SGK1: variants seen among roughly 807,000 people sequenced by gnomAD.
SGK1 encodes serum/glucocorticoid regulated kinase 1.
In SGK1, 26 loss-of-function variants were observed where a neutral mutation model predicts 64.2. That is an observed-to-expected ratio of 0.40 (90% CI 0.30 to 0.56). SGK1 has a LOEUF of 0.56. Among genes scored for constraint, SGK1 ranks in the 20% least tolerant of loss-of-function variants. The pLI is 0.38. For missense variants in SGK1, 519 were observed against 645.6 expected, an observed-to-expected ratio of 0.80 and a Z score of 2.12; for synonymous variants, 265 against 239.7, an observed-to-expected ratio of 1.11 and a Z score of -0.98.
intron 2 of SGK1, among the ~76,000 whole-genome samples, chr6:134,255,318 A>G (rs1776665727): frequency 6.6e-6 from 1 of 152,100 alleles, no homozygotes; most frequent in Admixed American, 6.5e-5. Context: ...TACTGTACCT[A>G]TCTCAGTTAT....
intron 9 of SGK1, 129 bp from the exon 10 acceptor site, chr6:134,172,445 G>A (rs1161490652): frequency 7.3e-6 from 7 of 955,640 alleles, no homozygotes; most frequent in Non-Finnish European, 9.4e-6. Flanking sequence ...GAAGAAAAAA[G>A]GGAGCCCTTG....
rs558420139 is a variant in SGK1, at chr6:134,295,176, T to C, written c.69+22216A>G. 4.6e-5 allele frequency among the ~76,000 whole-genome samples: 7 copies of C among 152,246 alleles called. No individual in the cohort carries two copies. The South Asian group carries it at 1.0e-3, about 23-fold the overall frequency. On this transcript the variant is annotated intron_variant, in intron 1 of 13. Transcript: ENST00000367858. ...AAGAGCCCTTGGCTGGGTAGCTGGA[T>C]AGTGCAGTTGGGGAAGAGTAAGCTA...
chr6:134,312,691 C>T (rs965945276), intron 1 of SGK1, among the ~76,000 whole-genome samples: 1 of 152,172 alleles, frequency 6.6e-6, no homozygotes, highest in Middle Eastern at 3.2e-3. Flanking sequence ...GGGGCAAGTT[C>T]TTCAACTTCT....
intron 2 of SGK1, among the ~76,000 whole-genome samples, chr6:134,208,070 C>G (rs1253630118): frequency 6.6e-6 from 1 of 152,042 alleles, no homozygotes; most frequent in Non-Finnish European, 1.5e-5. Flanking sequence ...TGCCACCACG[C>G]CTGGCTAATT....
At chr6:134,305,332 C>G (rs1302231351) in intron 1 of SGK1, among the ~76,000 whole-genome samples, 1 of 140,598 alleles carries the variant, frequency 7.1e-6, no homozygotes, top group African/African-American at 2.7e-5. Context: ...TGCACTCCAG[C>G]CAGCCTGGGC....
At chr6:134,175,112 C>G (rs1775187376) in intron 3 of SGK1, among the ~76,000 whole-genome samples, 1 of 152,102 alleles carries the variant, frequency 6.6e-6, no homozygotes, top group African/African-American at 2.4e-5. Context: ...TCCATCGGCT[C>G]CTGGGGCAGG....
intron 1 of SGK1, among the ~76,000 whole-genome samples, chr6:134,294,773 C>G (rs925766480): frequency 1.3e-5 from 2 of 152,046 alleles, no homozygotes; most frequent in African/African-American, 4.8e-5. Context: ...CCTGATCCTC[C>G]CCCCTTGGCC....
chr6:134,297,832 C>T, intron 1 of SGK1: 1 of 709,320 alleles, frequency 1.4e-6, no homozygotes, highest in Non-Finnish European at 2.6e-6. Context: ...TGCAGGTCAT[C>T]CCCGTGCTTC....
chr6:134,214,082 TAA>T (rs67032410), intron 2 of SGK1, among the ~76,000 whole-genome samples: 118 of 106,084 alleles, frequency 1.1e-3, no homozygotes, highest in Middle Eastern at 5.2e-3. Flanking sequence ...TGTAAGTTAT[TAA>T]AAAAAATTTT....
chr6:134,175,393 C>A, intron 3 of SGK1: 1 of 1,238,890 alleles, frequency 8.1e-7, no homozygotes, highest in Admixed American at 4.1e-5. Flanking sequence ...CCCTGGGGCG[C>A]AGGCCTGCGC....
Position 134,242,714 on chromosome 6 carries a change from C to T in SGK1, c.285+19219G>A, listed in dbSNP as rs189170013. ...TCCTGGCCTCAAACAATCCTCCCTC[C>T]TTGGCTTCCCCAAGTGTTGGGATTA... is the stretch of plus-strand genomic sequence containing the variant. On this transcript the variant is annotated intron_variant, in intron 2 of 13. Coordinates refer to ENST00000367858, the MANE Select transcript of SGK1 (RefSeq NM_001143676.3). Among the ~76,000 whole-genome samples the T allele has an allele frequency of 9.2e-5, 14 of 152,108 alleles. No homozygotes were observed. The East Asian group carries it at 2.7e-3, about 29-fold the overall frequency.
chr6:134,310,840 G>A, intron 1 of SGK1, among the ~76,000 whole-genome samples: 1 of 152,166 alleles, frequency 6.6e-6, no homozygotes, highest in East Asian at 1.9e-4. Flanking sequence ...TGCCTGCCTT[G>A]GCCTCCCAAA....
chr6:134,193,242 G>A (rs1045550071), intron 3 of SGK1, among the ~76,000 whole-genome samples: 1 of 152,160 alleles, frequency 6.6e-6, no homozygotes, highest in Admixed American at 6.5e-5. Flanking sequence ...TTAGGAGTAC[G>A]TTATAAGTCC....
intron 1 of SGK1, among the ~76,000 whole-genome samples, chr6:134,289,228 C>T (rs1562275560): frequency 1.3e-5 from 2 of 152,154 alleles, no homozygotes; most frequent in Non-Finnish European, 2.9e-5. Context: ...CTGTGGAGTT[C>T]GGCTGCACAT....
At chr6:134,285,594 T>C (rs888300665) in intron 1 of SGK1, among the ~76,000 whole-genome samples, 16 of 152,124 alleles carry the variant, frequency 1.1e-4, no homozygotes, top group Non-Finnish European at 2.2e-4. Context: ...GGTATCTAAT[T>C]GTGGTTTTAA....
intron 1 of SGK1, chr6:134,297,596 AG>A: frequency 2.1e-6 from 1 of 478,326 alleles, no homozygotes. Context: ...TCCGCCTCCC[AG>A]GTTCAAGGGA....
chr6:134,271,108 G>C (rs2114759373), intron 1 of SGK1, among the ~76,000 whole-genome samples: 1 of 131,250 alleles, frequency 7.6e-6, no homozygotes, highest in Middle Eastern at 3.8e-3. Context: ...CCTAAGGTCA[G>C]GAGTTTGAGA....
intron 3 of SGK1, among the ~76,000 whole-genome samples, chr6:134,187,922 A>G (rs940348839): frequency 3.3e-5 from 5 of 152,208 alleles, no homozygotes; most frequent in African/African-American, 1.2e-4. Context: ...ACCCCGAGGA[A>G]AGGTGCCATA....
intron 2 of SGK1, among the ~76,000 whole-genome samples, chr6:134,239,020 T>C (rs1392287822): frequency 6.6e-6 from 1 of 152,196 alleles, no homozygotes; most frequent in African/African-American, 2.4e-5. Flanking sequence ...TGGTCAAATA[T>C]ATTAGAAGCA....
Sources: gnomAD v4.1 joint callset for allele counts (sites outside exome capture counted in the v4.1 genomes callset) on GRCh38, gnomAD v4.1.1 for gene constraint, MANE v1.5 for transcripts, NCBI Gene and HGNC (gene_info 2026-07-23, HGNC 2026-07-21) for gene names.